The following RAP1GAP2 variants were observed in gnomAD, a reference collection of about 807,000 sequenced individuals.
RAP1GAP2 encodes the protein rap1 GTPase-activating protein 2.
A neutral mutation model predicts 95.0 loss-of-function variants in RAP1GAP2; 27 were observed. The observed-to-expected ratio is 0.28, with a 90% CI of 0.21 to 0.39. RAP1GAP2 has a LOEUF of 0.39. RAP1GAP2 is among the 10% of genes least tolerant of loss of function. RAP1GAP2 has a pLI of 1.00. For synonymous variants in RAP1GAP2, 373 were observed against 380.9 expected (o/e 0.98, Z 0.24); for missense variants, 771 against 970.0 (o/e 0.79, Z 2.72).
At chr17:2,843,940 G>A (rs768650929) in intron 2 of RAP1GAP2, among the ~76,000 whole-genome samples, 9 of 152,128 alleles carry the variant, frequency 5.9e-5, no homozygotes, top group South Asian at 2.1e-4. Flanking sequence ...GGGGGCGGGG[G>A]TGGAGGAAAT....
intron 3 of RAP1GAP2, among the ~76,000 whole-genome samples, chr17:2,922,483 G>T (rs529195262): frequency 6.6e-6 from 1 of 152,322 alleles, no homozygotes; most frequent in Admixed American, 6.5e-5. Flanking sequence ...GGGAGTTCCT[G>T]GTGGGAGCTT....
At chr17:2,885,525 C>T (rs2073463784) in intron 2 of RAP1GAP2, among the ~76,000 whole-genome samples, 2 of 152,306 alleles carry the variant, frequency 1.3e-5, no homozygotes, top group African/African-American at 4.8e-5. Flanking sequence ...TGGTGAGGCC[C>T]GGCTACCCCC....
intron 10 of RAP1GAP2, among the ~76,000 whole-genome samples, chr17:2,983,684 T>A (rs988813743): frequency 7.2e-5 from 11 of 152,240 alleles, no homozygotes; most frequent in Non-Finnish European, 2.9e-5. Context: ...CTAGACCAAC[T>A]GTAAGACGAT....
At chr17:2,862,996 C>CAAAAAAAAA (rs1164520490) in intron 2 of RAP1GAP2, among the ~76,000 whole-genome samples, 2 of 49,018 alleles carry the variant, frequency 4.1e-5, no homozygotes, top group Non-Finnish European at 3.9e-5. Context: ...GACTCTGTCT[C>CAAAAAAAAA]AAAAAAAAAA....
intron 1 of RAP1GAP2, among the ~76,000 whole-genome samples, chr17:2,799,605 G>A (rs2069195082): frequency 6.6e-6 from 1 of 152,200 alleles, no homozygotes; most frequent in South Asian, 2.1e-4. Flanking sequence ...TGACAGTGAT[G>A]GTGACACTGA....
At chr17:2,779,333 C>T (rs908649986) in intron 1 of RAP1GAP2, among the ~76,000 whole-genome samples, 7 of 152,168 alleles carry the variant, frequency 4.6e-5, no homozygotes, top group Non-Finnish European at 4.4e-5. Flanking sequence ...GGGCTTCACC[C>T]GGGGTATTTC....
chr17:2,900,398 A>G (rs1217625134), intron 2 of RAP1GAP2, among the ~76,000 whole-genome samples: 3 of 152,124 alleles, frequency 2.0e-5, no homozygotes, highest in African/African-American at 7.2e-5. Flanking sequence ...CTACATTGAT[A>G]TAGAACTTCA....
intron 2 of RAP1GAP2, among the ~76,000 whole-genome samples, chr17:2,819,297 GAT>G: frequency 6.6e-6 from 1 of 150,880 alleles, no homozygotes; most frequent in East Asian, 2.0e-4. Flanking sequence ...TGAGATTACA[GAT>G]GTGAGCCACC....
At chr17:2,874,874 C>A (rs1173378875) in intron 2 of RAP1GAP2, among the ~76,000 whole-genome samples, 1 of 152,154 alleles carries the variant, frequency 6.6e-6, no homozygotes, top group Non-Finnish European at 1.5e-5. Flanking sequence ...AGTTTGGCAT[C>A]CCTCACACAG....
At chr17:2,793,291 A>T (rs926848970), upstream of RAP1GAP2, among the ~76,000 whole-genome samples, 1 of 152,040 alleles carries the variant, frequency 6.6e-6, no homozygotes, top group Non-Finnish European at 1.5e-5. Flanking sequence ...GTAGCTGGGA[A>T]TACAGGCATG....
intron 2 of RAP1GAP2, among the ~76,000 whole-genome samples, chr17:2,893,243 G>A (rs984992269): frequency 3.9e-5 from 6 of 152,036 alleles, no homozygotes; most frequent in Admixed American, 3.9e-4. Flanking sequence ...GTTTCTCCAT[G>A]TTGGCCAGGC....
At chr17:2,899,620 C>T (rs901376763) in intron 2 of RAP1GAP2, among the ~76,000 whole-genome samples, 6 of 152,176 alleles carry the variant, frequency 3.9e-5, no homozygotes, top group Non-Finnish European at 7.3e-5. Flanking sequence ...AAGTGATTCT[C>T]CTGCCTCAGC....
intron 8 of RAP1GAP2, among the ~76,000 whole-genome samples, chr17:2,972,642 T>A (rs2044917124): frequency 7.3e-6 from 1 of 137,780 alleles, no homozygotes; most frequent in Admixed American, 7.2e-5. Flanking sequence ...ATAAAATCAG[T>A]CAAATGAGAT....
rs1354228260 is a variant in RAP1GAP2, at chr17:3,026,386, C to T, written c.1902C>T (p.Ile634=). The T allele has an allele frequency of 9.0e-6, 14 of 1,552,102 alleles. No homozygotes were observed. Among genetic ancestry groups the T allele is most frequent in the Non-Finnish European group, 1.2e-5 (14 of 1,147,508 alleles). The change falls in exon 21 of 25, where the codon ATC becomes ATT. Residue 634 remains isoleucine (I), a synonymous_variant. Coordinates refer to ENST00000254695, the MANE Select transcript of RAP1GAP2 (RefSeq NM_015085.5). ...FMKLKENGRA[I]SRSSSSTSSV... Reference sequence around the variant, plus strand: ...AGTTGAAGGAAAACGGCCGTGCCATCTCCCGCTCCTCCTCCAGCACCAGCA... The same window carrying T: ...AGTTGAAGGAAAACGGCCGTGCCATTTCCCGCTCCTCCTCCAGCACCAGCA...
At chr17:2,994,601 C>T (rs2045890488) in intron 12 of RAP1GAP2, among the ~76,000 whole-genome samples, 1 of 152,248 alleles carries the variant, frequency 6.6e-6, no homozygotes, top group African/African-American at 2.4e-5. Flanking sequence ...TCCCCACCAG[C>T]CACCAGGATG....
At chr17:2,758,863 A>G (rs2071196120) in intron 1 of RAP1GAP2, among the ~76,000 whole-genome samples, 2 of 152,140 alleles carry the variant, frequency 1.3e-5, no homozygotes, top group Admixed American at 1.3e-4. Context: ...AAACAACGCC[A>G]CTGAGGCTGG....
intron 2 of RAP1GAP2, among the ~76,000 whole-genome samples, chr17:2,868,403 G>A (rs1405067823): frequency 6.6e-6 from 1 of 152,204 alleles, no homozygotes; most frequent in Non-Finnish European, 1.5e-5. Context: ...AACGTACATG[G>A]TGTCGAAACT....
Position 2,965,689 on chromosome 17 carries a change from C to A in RAP1GAP2, c.596+46C>A. The A allele has an allele frequency of 7.2e-7, 1 of 1,397,450 alleles. No homozygotes were observed. Among genetic ancestry groups the A allele is most frequent in the Non-Finnish European group, 1.0e-6 (1 of 1,002,456 alleles). 86.6% of individuals were successfully genotyped at this position (1,397,450 alleles called of 1,614,324 possible). ...GAGGCCACTTCTCTTCCAGGCAGGG[C>A]TCTCATCGGTGGTGTGGGGGCTGGG... is the stretch of plus-strand genomic sequence containing the variant. On this transcript the variant is annotated intron_variant, in intron 8 of 24. Coordinates refer to ENST00000254695, the MANE Select transcript of RAP1GAP2 (RefSeq NM_015085.5). This position sits in a 1 kb window ranked among gnomAD's most constrained non-coding sequence, Gnocchi z 4.7.
chr17:2,767,095 G>A (rs569244555), intron 1 of RAP1GAP2, among the ~76,000 whole-genome samples: 1 of 152,032 alleles, frequency 6.6e-6, no homozygotes, highest in South Asian at 2.1e-4. Flanking sequence ...CAGGCGTGGT[G>A]GCTCACGTCT....
Sources: gnomAD v4.1 joint callset for allele counts (sites outside exome capture counted in the v4.1 genomes callset) on GRCh38, gnomAD v4.1.1 for gene constraint, Gnocchi (gnomAD v3.1) non-coding constraint, MANE v1.5 for transcripts, NCBI Gene and HGNC (gene_info 2026-07-23, HGNC 2026-07-21) for gene names.